Variants in AOPEP observed in about 807,000 individuals in gnomAD.
AOPEP encodes aminopeptidase O (putative).
Under a neutral mutation model 98.1 loss-of-function variants are expected in AOPEP, and 77 were observed. The ratio of observed to expected loss-of-function variants is 0.78; its 90% confidence interval spans 0.65 to 0.95. The LOEUF is 0.95. Ranked by LOEUF, AOPEP falls within the 40% of genes least tolerant of loss-of-function variation. AOPEP has a pLI of 0.00. For synonymous variants in AOPEP, 346 were observed against 365.3 expected (o/e 0.95, Z 0.60); for missense variants, 1,024 against 1,024.7 (o/e 1.00, Z 0.01).
At chr9:95,118,671 T>C in the AOPEP span, among the ~76,000 whole-genome samples, 1 of 152,238 alleles carries the variant, frequency 6.6e-6, no homozygotes, top group African/African-American at 2.4e-5. Flanking sequence ...TAAAGTATGT[T>C]TTCTTTTGTG....
intron 11 of AOPEP, among the ~76,000 whole-genome samples, chr9:94,994,160 C>G (rs1349968210): frequency 2.0e-5 from 3 of 152,144 alleles, no homozygotes; most frequent in Non-Finnish European, 4.4e-5. Context: ...CTGGTTATTC[C>G]TCCTCAAATT....
chr9:95,109,742 G>A, the AOPEP span: 1 of 152,238 alleles, frequency 6.6e-6, no homozygotes, highest in Admixed American at 6.5e-5. Flanking sequence ...GCCACCAGCT[G>A]ATTTAATTGT....
intron 13 of AOPEP, among the ~76,000 whole-genome samples, chr9:95,025,839 A>G (rs2063794275): frequency 6.6e-6 from 1 of 152,158 alleles, no homozygotes; most frequent in Non-Finnish European, 1.5e-5. Context: ...TTCCTAGGGC[A>G]GTGGTCATGA....
intron 3 of AOPEP, 158 bp downstream of exon 3, chr9:94,773,326 A>T (rs1442960004): frequency 1.7e-6 from 1 of 584,962 alleles, no homozygotes; most frequent in African/African-American, 1.9e-5. Flanking sequence ...CAAGCAGGGG[A>T]TGGGGAGGGA....
chr9:94,731,893 T>G (rs1830642745), intron 1 of AOPEP, among the ~76,000 whole-genome samples: 1 of 146,486 alleles, frequency 6.8e-6, no homozygotes, highest in Non-Finnish European at 1.5e-5. Context: ...CTAGCAATTC[T>G]CCTGCCTCAG....
intron 13 of AOPEP, among the ~76,000 whole-genome samples, chr9:95,012,763 C>T (rs1380048159): frequency 2.0e-5 from 3 of 151,882 alleles, no homozygotes; most frequent in Non-Finnish European, 2.9e-5. Context: ...TTTTAATCTC[C>T]AACACTTAGA....
the AOPEP span, chr9:95,107,652 G>A: frequency 2.6e-6 from 1 of 382,954 alleles, no homozygotes; most frequent in South Asian, 2.5e-5. Context: ...CACGCAGTCA[G>A]ACCTCCGCCG....
chr9:95,025,684 TG>T lies in AOPEP; in HGVS notation c.2115+20071del, dbSNP rs111378988. Among the ~76,000 whole-genome samples the T allele has an allele frequency of 5.6e-4, 86 of 152,356 alleles. 2 individuals carry two copies. The highest frequency in any genetic ancestry group is 2.1e-3 in the African/African-American group (86 of 41,576). On this transcript the variant is annotated intron_variant, in intron 13 of 16. Transcript: ENST00000375315. ...ACAAATAAAACATAACTTTGAAGTTTGGGAGGTAAGTGACTTGTGTAAGGTT... is the reference window on the plus strand; with the variant it reads ...ACAAATAAAACATAACTTTGAAGTTTGGAGGTAAGTGACTTGTGTAAGGTT...
At chr9:94,877,566 G>A (rs958360897) in intron 5 of AOPEP, among the ~76,000 whole-genome samples, 7 of 151,838 alleles carry the variant, frequency 4.6e-5, no homozygotes, top group East Asian at 1.9e-4. Flanking sequence ...GACTACAGGC[G>A]CCCAGCACCA....
chr9:94,981,254 G>A (rs781232132), intron 11 of AOPEP, among the ~76,000 whole-genome samples: 1 of 152,198 alleles, frequency 6.6e-6, no homozygotes, highest in Non-Finnish European at 1.5e-5. Context: ...GGAGGGGTCT[G>A]TGGCAGGGAG....
chr9:95,089,821 A>C (rs1701992883), downstream of AOPEP, among the ~76,000 whole-genome samples: 1 of 152,206 alleles, frequency 6.6e-6, no homozygotes, highest in South Asian at 2.1e-4. Flanking sequence ...GTTCTCAGTT[A>C]ATCAGATGTG....
chr9:94,910,921 T>C (rs1182451355), intron 5 of AOPEP, among the ~76,000 whole-genome samples: 1 of 152,236 alleles, frequency 6.6e-6, no homozygotes, highest in Non-Finnish European at 1.5e-5. Context: ...CTCCTCGTGA[T>C]GTTATGTTTA....
At chr9:94,934,051 T>C (rs1034195664) in intron 7 of AOPEP, among the ~76,000 whole-genome samples, 5 of 151,998 alleles carry the variant, frequency 3.3e-5, no homozygotes, top group African/African-American at 1.2e-4. Context: ...CCCAGCCATA[T>C]ACCATCTTAT....
chr9:94,982,921 A>G (rs900368070), intron 11 of AOPEP, among the ~76,000 whole-genome samples: 1 of 152,170 alleles, frequency 6.6e-6, no homozygotes, highest in African/African-American at 2.4e-5. Context: ...ATATGCAAAT[A>G]CACTAGAAAT....
chr9:95,004,033 G>A, intron 11 of AOPEP: 3 of 328,222 alleles, frequency 9.1e-6, no homozygotes, highest in Non-Finnish European at 1.8e-5. Context: ...TAGTGAGTTT[G>A]ATCTTGGCTT....
At chr9:95,095,432 T>G in the AOPEP span, among the ~76,000 whole-genome samples, 3,604 of 152,306 alleles carry the variant, frequency 0.024, 157 homozygotes, top group African/African-American at 0.083. Context: ...TGCCCGTGCG[T>G]TTCGAGCTGG....
chr9:94,761,707 C>T (rs547493377), intron 2 of AOPEP, among the ~76,000 whole-genome samples: 2 of 152,188 alleles, frequency 1.3e-5, no homozygotes, highest in Non-Finnish European at 2.9e-5. Context: ...AATGAGTTCA[C>T]TTCCTGTCTT....
At chr9:94,789,927 G>T (rs1181568361) in intron 3 of AOPEP, among the ~76,000 whole-genome samples, 2 of 151,654 alleles carry the variant, frequency 1.3e-5, no homozygotes, top group Non-Finnish European at 2.9e-5. Flanking sequence ...AGGCGGGAGT[G>T]CAGTGGCGCA....
chr9:94,986,029 G>A (rs1431180532), intron 11 of AOPEP, among the ~76,000 whole-genome samples: 1 of 152,188 alleles, frequency 6.6e-6, no homozygotes, highest in Non-Finnish European at 1.5e-5. Context: ...GTGCTCAAAT[G>A]AGTTTGCTGG....
Sources: gnomAD v4.1 joint callset for allele counts (sites outside exome capture counted in the v4.1 genomes callset) on GRCh38, gnomAD v4.1.1 for gene constraint, MANE v1.5 for transcripts, NCBI Gene and HGNC (gene_info 2026-07-23, HGNC 2026-07-21) for gene names.